The following FARP1 variants were observed in gnomAD, a reference collection of about 807,000 sequenced individuals.
FARP1 encodes FERM, ARHGEF and pleckstrin domain-containing protein 1.
Under a neutral mutation model 128.8 loss-of-function variants are expected in FARP1, and 52 were observed. The ratio of observed to expected loss-of-function variants is 0.40; its 90% CI spans 0.32 to 0.51. The LOEUF (loss-of-function observed/expected upper bound fraction) is 0.51, where lower values mean the gene tolerates loss of function less well. Ranked by LOEUF, FARP1 falls within the 20% of genes least tolerant of loss-of-function variation. FARP1 has a pLI of 0.45. For synonymous variants in FARP1, 580 were observed against 551.8 expected (o/e 1.05, Z -0.72); for missense variants, 1,333 against 1,367.9 (o/e 0.97, Z 0.40).
chr13:98,321,369 A>G (rs766924129), intron 2 of FARP1, among the ~76,000 whole-genome samples: 2 of 152,228 alleles, frequency 1.3e-5, no homozygotes, highest in Non-Finnish European at 2.9e-5. Flanking sequence ...CTTGAGTTAC[A>G]TATCAAAGCG....
In FARP1 at chr13:98,192,219, C is replaced by T. The variant is rs76717635; in HGVS notation, c.-23-21001C>T. On this transcript the variant is annotated intron_variant, in intron 1 of 26. Coordinates refer to ENST00000319562, the MANE Select transcript of FARP1 (RefSeq NM_005766.4). ...CTACAGTTTGGTTAACCTTTCTTTG[C>T]GTTTATAGCCTTTTTATTGCTTGTG... Among the ~76,000 whole-genome samples the T allele has an allele frequency of 1.9e-3, 286 of 152,194 alleles. 5 individuals are homozygous for T. The highest frequency in any genetic ancestry group is 0.016 in the East Asian group (84 of 5,186).
chr13:98,271,436 T>TAGA (rs1884385286), intron 2 of FARP1, among the ~76,000 whole-genome samples: 1 of 152,158 alleles, frequency 6.6e-6, no homozygotes, highest in Admixed American at 6.5e-5. Context: ...GATACATGTG[T>TAGA]AGAACGTGCA....
At chr13:98,342,282 C>T (rs1347985223) in intron 2 of FARP1, among the ~76,000 whole-genome samples, 1 of 152,192 alleles carries the variant, frequency 6.6e-6, no homozygotes, top group East Asian at 1.9e-4. Context: ...CACATAAAAC[C>T]TGTCCAGAAA....
intron 1 of FARP1, among the ~76,000 whole-genome samples, chr13:98,180,404 C>T (rs965022852): frequency 5.3e-5 from 8 of 152,176 alleles, no homozygotes; most frequent in Non-Finnish European, 1.2e-4. Flanking sequence ...CCACCAGGCC[C>T]TACCTCCAAC....
chr13:98,393,768 T>C (rs745940016), intron 12 of FARP1, 50 bp downstream of exon 12: 2 of 1,395,902 alleles, frequency 1.4e-6, no homozygotes, highest in Non-Finnish European at 2.0e-6. Context: ...CCACACTTCC[T>C]CCACGGAGCC....
rs1248876573 is a variant in FARP1 at position 98,431,249 on chromosome 13, G to A, written c.2112G>A (p.Pro704=). ...TGGAGCGGCTGTGCAAACACCACCCGCCGAGCCACGCCGACTTCAGGGACT... is the reference window on the plus strand; with the variant it reads ...TGGAGCGGCTGTGCAAACACCACCCACCGAGCCACGCCGACTTCAGGGACT... ...QVLERLCKHH[P]PSHADFRDCR... is the part of the protein sequence containing the mutation. The change falls in exon 18 of 27, where the codon CCG becomes CCA. Residue 704 remains proline, a synonymous_variant. Coordinates refer to ENST00000319562, the MANE Select transcript of FARP1 (RefSeq NM_005766.4). 51 of 1,579,656 alleles carry A rather than the reference G, an allele frequency of 3.2e-5. No homozygotes were observed. Among genetic ancestry groups the A allele is most frequent in the African/African-American group, 4.0e-5 (3 of 74,078 alleles).
chr13:98,382,079 T>C (rs74454993), intron 6 of FARP1, among the ~76,000 whole-genome samples: 1 of 149,308 alleles, frequency 6.7e-6, no homozygotes, highest in Admixed American at 6.6e-5. Flanking sequence ...AAAAAAAAAA[T>C]AGCCAGGTGT....
chr13:98,291,903 T>C (rs2139667368), intron 2 of FARP1, among the ~76,000 whole-genome samples: 1 of 152,372 alleles, frequency 6.6e-6, no homozygotes, highest in Non-Finnish European at 1.5e-5. Flanking sequence ...GTGATTGTCT[T>C]GTGAAGCATT....
chr13:98,147,919 C>T (rs1875691661), intron 1 of FARP1, among the ~76,000 whole-genome samples: 1 of 152,118 alleles, frequency 6.6e-6, no homozygotes, highest in African/African-American at 2.4e-5. Context: ...CAGTTTTTAC[C>T]ATCCCTTCAA....
chr13:98,298,180 A>G (rs1052965757), intron 2 of FARP1, among the ~76,000 whole-genome samples: 1 of 152,244 alleles, frequency 6.6e-6, no homozygotes, highest in African/African-American at 2.4e-5. Context: ...TCTATCAGGC[A>G]TTATGTGTAT....
chr13:98,366,148 C>G (rs1308591169), intron 4 of FARP1, among the ~76,000 whole-genome samples: 1 of 152,040 alleles, frequency 6.6e-6, no homozygotes, highest in Non-Finnish European at 1.5e-5. Context: ...AGAGTCTGGA[C>G]AAAAATCTGA....
intron 2 of FARP1, among the ~76,000 whole-genome samples, chr13:98,291,300 C>T (rs1385335462): frequency 3.3e-5 from 5 of 152,062 alleles, no homozygotes; most frequent in Non-Finnish European, 1.5e-5. Flanking sequence ...GTGGATCATC[C>T]GAAAGGCCTT....
intron 1 of FARP1, among the ~76,000 whole-genome samples, chr13:98,203,139 G>A (rs1247553914): frequency 3.3e-5 from 5 of 152,194 alleles, no homozygotes; most frequent in Non-Finnish European, 5.9e-5. Flanking sequence ...CAGGCTGGCC[G>A]CCTCACTGGA....
At chr13:98,389,096 AAAG>A (rs1890208027) in intron 9 of FARP1, among the ~76,000 whole-genome samples, 1 of 152,200 alleles carries the variant, frequency 6.6e-6, no homozygotes, top group Non-Finnish European at 1.5e-5. Context: ...TTCCCATGGC[AAAG>A]AAGATGATAA....
intron 2 of FARP1, among the ~76,000 whole-genome samples, chr13:98,339,586 T>C (rs1399227709): frequency 2.0e-5 from 3 of 152,174 alleles, no homozygotes; most frequent in African/African-American, 7.2e-5. Flanking sequence ...GGAGTTTCCT[T>C]ACAACCATAG....
chr13:98,314,321 C>G (rs1225602232), intron 2 of FARP1, among the ~76,000 whole-genome samples: 3 of 134,692 alleles, frequency 2.2e-5, no homozygotes, highest in African/African-American at 8.4e-5. Context: ...TGCTTTGTCG[C>G]CAGGCTGGAG....
At chr13:98,156,016 T>C (rs1174496357) in intron 1 of FARP1, among the ~76,000 whole-genome samples, 3 of 152,236 alleles carry the variant, frequency 2.0e-5, no homozygotes, top group Non-Finnish European at 4.4e-5. Context: ...CCTGCTCTAC[T>C]ACTCAAAAGT....
intron 2 of FARP1, among the ~76,000 whole-genome samples, chr13:98,289,390 C>T (rs1024769336): frequency 6.6e-6 from 1 of 152,068 alleles, no homozygotes; most frequent in Non-Finnish European, 1.5e-5. Context: ...CTGGTGTCTC[C>T]GTATACTCAA....
rs628778 is a variant in FARP1 at position 98,176,922 on chromosome 13, T to G, written c.-24+33430T>G. ...AGTCAGCGGTGGCCCCCATGTCCTC[T>G]GGCCCCACAGGCTTCGCCGAGCGGG... On this transcript the variant is annotated intron_variant, in intron 1 of 26. Coordinates refer to ENST00000319562, the MANE Select transcript of FARP1 (RefSeq NM_005766.4). The surrounding 1 kb of genome is among the most constrained non-coding windows in gnomAD (Gnocchi z 6.2). 1.2e-6 allele frequency: 2 copies of G among 1,604,046 alleles called. No homozygotes were observed. The highest frequency in any genetic ancestry group is 2.2e-5 in the South Asian group (2 of 91,024).
Sources: gnomAD v4.1 joint callset for allele counts (sites outside exome capture counted in the v4.1 genomes callset) on GRCh38, gnomAD v4.1.1 for gene constraint, Gnocchi (gnomAD v3.1) non-coding constraint, MANE v1.5 for transcripts, NCBI Gene and HGNC (gene_info 2026-07-23, HGNC 2026-07-21) for gene names.